The following GALNT13 variants were observed in gnomAD, a reference collection of about 807,000 sequenced individuals.
GALNT13 encodes UDP-GalNAc:polypeptide N-acetylgalactosaminyltransferase 13.
A neutral mutation model predicts 64.2 loss-of-function variants in GALNT13; 28 were observed. That is an observed-to-expected ratio of 0.44 (90% CI 0.32 to 0.60). GALNT13 has a LOEUF of 0.60. Ranked by LOEUF, GALNT13 falls within the 20% of genes least tolerant of loss-of-function variation. The pLI is 0.05. For synonymous variants in GALNT13, 214 were observed against 224.6 expected (o/e 0.95, Z 0.42); for missense variants, 577 against 669.8 (o/e 0.86, Z 1.53).
chr2:153,707,477 C>T, the GALNT13 span, among the ~76,000 whole-genome samples: 1 of 152,138 alleles, frequency 6.6e-6, no homozygotes, highest in African/African-American at 2.4e-5. Context: ...AATTCCATTT[C>T]CTAGCTTCCT....
chr2:153,104,499 G>A, the GALNT13 span, among the ~76,000 whole-genome samples: 1 of 152,108 alleles, frequency 6.6e-6, no homozygotes. Flanking sequence ...CATGTTTCTG[G>A]TTTACTGTAG....
At chr2:153,230,138 A>G in the GALNT13 span, among the ~76,000 whole-genome samples, 237 of 152,336 alleles carry the variant, frequency 1.6e-3, no homozygotes, top group African/African-American at 5.6e-3. Context: ...CTAAGCAATA[A>G]ATTGTCTGGC....
chr2:154,376,462 A>AT (rs1366003161), intron 9 of GALNT13, among the ~76,000 whole-genome samples: 7 of 152,148 alleles, frequency 4.6e-5, no homozygotes, highest in Non-Finnish European at 8.8e-5. Flanking sequence ...CAGCAGATAG[A>AT]TTTTTTAAAA....
chr2:153,366,727 ACACACACAC>A, the GALNT13 span, among the ~76,000 whole-genome samples: 3 of 83,008 alleles, frequency 3.6e-5, no homozygotes, highest in African/African-American at 1.5e-4. Context: ...AGGGACACAC[ACACACACAC>A]ACACACACAC....
chr2:153,399,237 T>C, the GALNT13 span, among the ~76,000 whole-genome samples: 2 of 151,282 alleles, frequency 1.3e-5, no homozygotes, highest in African/African-American at 2.4e-5. Flanking sequence ...TAGTTGTAGA[T>C]ATGCGGCGTT....
chr2:154,101,342 C>T (rs1457793434), intron 3 of GALNT13, among the ~76,000 whole-genome samples: 1 of 151,718 alleles, frequency 6.6e-6, no homozygotes, highest in Non-Finnish European at 1.5e-5. Flanking sequence ...CTCATTCTTG[C>T]TCTTTTTAAG....
rs548290357 is a variant in GALNT13, at chr2:153,896,774, C to T, written c.-176-4162C>T. Among the ~76,000 whole-genome samples the T allele has an allele frequency of 7.2e-5, 11 of 152,170 alleles. No individual in the cohort carries two copies. The South Asian group carries it at 2.3e-3, about 32-fold the overall frequency. On this transcript the variant is annotated intron_variant, in intron 1 of 12. Coordinates refer to ENST00000392825, the MANE Select transcript of GALNT13 (RefSeq NM_052917.4). Reference sequence around the variant, plus strand: ...CAAGTAGGACCCAGTGTCTGTTGTTCTCTTCTTAAAAATACTTTCTCGATA... The same window carrying T: ...CAAGTAGGACCCAGTGTCTGTTGTTTTCTTCTTAAAAATACTTTCTCGATA...
the GALNT13 span, among the ~76,000 whole-genome samples, chr2:153,856,129 T>C: frequency 6.6e-6 from 1 of 152,122 alleles, no homozygotes; most frequent in African/African-American, 2.4e-5. Context: ...GTGATGAAAA[T>C]GTTCTAGACA....
chr2:153,919,145 T>G (rs1266549468), intron 2 of GALNT13, among the ~76,000 whole-genome samples: 1 of 152,140 alleles, frequency 6.6e-6, no homozygotes, highest in African/African-American at 2.4e-5. Context: ...CAATCTCATT[T>G]GTGTGCTTAT....
chr2:154,339,656 A>G (rs1192522338), intron 9 of GALNT13, among the ~76,000 whole-genome samples: 8 of 152,158 alleles, frequency 5.3e-5, no homozygotes, highest in Non-Finnish European at 8.8e-5. Flanking sequence ...CAGTTCACAC[A>G]CGGAAATGGG....
At chr2:153,397,520 T>C in the GALNT13 span, among the ~76,000 whole-genome samples, 1 of 152,054 alleles carries the variant, frequency 6.6e-6, no homozygotes, top group Non-Finnish European at 1.5e-5. Context: ...GAGAAAGATT[T>C]ATCTCACTCA....
chr2:153,989,971 A>G (rs901749048), intron 3 of GALNT13, among the ~76,000 whole-genome samples: 1 of 152,122 alleles, frequency 6.6e-6, no homozygotes, highest in African/African-American at 2.4e-5. Flanking sequence ...TCAACAACAT[A>G]TGACAATATG....
the GALNT13 span, among the ~76,000 whole-genome samples, chr2:153,205,810 A>C: frequency 1.1e-4 from 16 of 152,098 alleles, no homozygotes; most frequent in African/African-American, 2.4e-4. Context: ...AACCTTGTGC[A>C]AAACTGGCTT....
chr2:153,103,977 A>G, the GALNT13 span, among the ~76,000 whole-genome samples: 1 of 152,238 alleles, frequency 6.6e-6, no homozygotes, highest in African/African-American at 2.4e-5. Flanking sequence ...TATTTTCACT[A>G]TTTCTATTTC....
chr2:153,628,725 A>T, the GALNT13 span, among the ~76,000 whole-genome samples: 1 of 152,106 alleles, frequency 6.6e-6, no homozygotes, highest in Non-Finnish European at 1.5e-5. Context: ...AAGCTTTTTG[A>T]TGTGCTGCTG....
At chr2:153,851,245 G>T in the GALNT13 span, among the ~76,000 whole-genome samples, 1 of 152,146 alleles carries the variant, frequency 6.6e-6, no homozygotes, top group African/African-American at 2.4e-5. Flanking sequence ...AGAGAGTGAA[G>T]CAATGTATTA....
chr2:153,717,349 A>T, the GALNT13 span, among the ~76,000 whole-genome samples: 1 of 152,206 alleles, frequency 6.6e-6, no homozygotes, highest in African/African-American at 2.4e-5. Context: ...AGTGAAGCAG[A>T]CTTTCTGCTA....
chr2:153,904,657 AATATTCACAAGTT>A (rs534171152), intron 2 of GALNT13, among the ~76,000 whole-genome samples: 322 of 151,940 alleles, frequency 2.1e-3, no homozygotes, highest in African/African-American at 7.5e-3. Context: ...TAAAATTGTT[AATATTCACAAGTT>A]AGTTACACTA....
chr2:153,398,774 GT>G, the GALNT13 span, among the ~76,000 whole-genome samples: 1 of 128,782 alleles, frequency 7.8e-6, no homozygotes, highest in Non-Finnish European at 1.7e-5. Context: ...GGGGTTGTTT[GT>G]TTTTTTCTTG....
Sources: gnomAD v4.1 joint callset for allele counts (sites outside exome capture counted in the v4.1 genomes callset) on GRCh38, gnomAD v4.1.1 for gene constraint, MANE v1.5 for transcripts, NCBI Gene and HGNC (gene_info 2026-07-23, HGNC 2026-07-21) for gene names.